Variants in EPHA6 observed in about 807,000 individuals in gnomAD.
The protein encoded by EPHA6 is EPH receptor A6.
EPHA6 carries 50 observed loss-of-function variants against 112.0 expected under a neutral mutation model. The ratio of observed to expected loss-of-function variants is 0.45; its 90% CI spans 0.36 to 0.56. EPHA6 has a LOEUF of 0.56. Among genes scored for constraint, EPHA6 ranks in the 20% least tolerant of loss-of-function variants. The probability of loss-of-function intolerance (pLI) is 0.00; values close to 1 mark genes in which losing one functional copy is unlikely to be tolerated. For missense variants in EPHA6, 1,280 were observed against 1,417.4 expected (o/e 0.90, Z 1.56); for synonymous variants, 529 against 490.7 (o/e 1.08, Z -1.03).
At chr3:97,155,332 T>C (rs2076264974) in intron 3 of EPHA6, among the ~76,000 whole-genome samples, 1 of 152,142 alleles carries the variant, frequency 6.6e-6, no homozygotes, top group African/African-American at 2.4e-5. Flanking sequence ...CCAGAAGTCA[T>C]TCAGTTTCTC....
intron 3 of EPHA6, among the ~76,000 whole-genome samples, chr3:97,138,410 A>C (rs1576554321): frequency 6.6e-6 from 1 of 152,134 alleles, no homozygotes; most frequent in South Asian, 2.1e-4. Context: ...GACAGCTTCT[A>C]CTCCCATAGT....
chr3:96,981,587 T>A (rs1268865867), intron 2 of EPHA6, among the ~76,000 whole-genome samples: 2 of 152,160 alleles, frequency 1.3e-5, no homozygotes, highest in Non-Finnish European at 2.9e-5. Context: ...GAGGGAGGAT[T>A]CTCTCTTTTT....
intron 10 of EPHA6, among the ~76,000 whole-genome samples, chr3:97,501,274 G>T (rs2092109955): frequency 6.6e-6 from 1 of 152,016 alleles, no homozygotes; most frequent in South Asian, 2.1e-4. Context: ...AATATATAGA[G>T]ATTGAGTAAA....
intron 3 of EPHA6, among the ~76,000 whole-genome samples, chr3:97,186,402 A>T (rs931524499): frequency 1.3e-5 from 2 of 152,124 alleles, no homozygotes; most frequent in African/African-American, 4.8e-5. Flanking sequence ...TGTTAAAACT[A>T]ATCTATTCCA....
At chr3:97,049,124 A>AG (rs2045605778) in intron 3 of EPHA6, among the ~76,000 whole-genome samples, 1 of 152,220 alleles carries the variant, frequency 6.6e-6, no homozygotes. Context: ...ACAAGGTCAG[A>AG]GAGGTACTGG....
chr3:97,167,092 A>C (rs1428550324), intron 3 of EPHA6, among the ~76,000 whole-genome samples: 2 of 152,188 alleles, frequency 1.3e-5, no homozygotes, highest in African/African-American at 4.8e-5. Flanking sequence ...GACATCATTC[A>C]TGTATGCAAA....
chr3:96,899,564 G>A (rs1295914084), intron 2 of EPHA6, among the ~76,000 whole-genome samples: 1 of 152,226 alleles, frequency 6.6e-6, no homozygotes, highest in African/African-American at 2.4e-5. Context: ...ATCAGTGTGT[G>A]TCCCTTTCTT....
intron 7 of EPHA6, among the ~76,000 whole-genome samples, chr3:97,462,172 T>A (rs572554618): frequency 2.0e-5 from 3 of 152,310 alleles, no homozygotes; most frequent in African/African-American, 7.2e-5. Flanking sequence ...AGTTTCTCCA[T>A]CTATTAAATG....
chr3:96,937,707 C>T (rs1277600068), intron 2 of EPHA6, among the ~76,000 whole-genome samples: 1 of 151,996 alleles, frequency 6.6e-6, no homozygotes, highest in Non-Finnish European at 1.5e-5. Flanking sequence ...AATGGTATTG[C>T]CTAGGTTTTC....
intron 11 of EPHA6, among the ~76,000 whole-genome samples, chr3:97,565,618 T>C (rs558624312): frequency 5.7e-4 from 86 of 152,164 alleles, no homozygotes; most frequent in Middle Eastern, 3.4e-3. Context: ...ACAGGAAGAG[T>C]CTTGATAGAA....
In EPHA6 at chr3:97,047,223, G is replaced by A. The variant is rs115061458; in HGVS notation, c.1114+59230G>A. ...TGTAAGATATAAGAAACCAGGGGCCGGGCACAGTGGCTCATGCCTGTAATC... is the reference window on the plus strand; with the variant it reads ...TGTAAGATATAAGAAACCAGGGGCCAGGCACAGTGGCTCATGCCTGTAATC... On this transcript the variant is annotated intron_variant, in intron 3 of 17. Transcript: ENST00000389672. Among the ~76,000 whole-genome samples the A allele has an allele frequency of 3.0e-3, 457 of 151,948 alleles. 2 individuals are homozygous for A. The highest frequency in any genetic ancestry group is 0.011 in the African/African-American group (441 of 41,442).
At chr3:97,349,885 G>A (rs2083717009) in intron 5 of EPHA6, among the ~76,000 whole-genome samples, 2 of 151,734 alleles carry the variant, frequency 1.3e-5, no homozygotes, top group Non-Finnish European at 2.9e-5. Context: ...ATGCTGTTGG[G>A]TTTATGAATA....
At chr3:97,030,201 A>C (rs1576353053) in intron 3 of EPHA6, among the ~76,000 whole-genome samples, 1 of 152,048 alleles carries the variant, frequency 6.6e-6, no homozygotes, top group East Asian at 1.9e-4. Flanking sequence ...ATTACTACTG[A>C]CTTCACCAAA....
At chr3:96,829,140 G>C (rs2033853673) in intron 1 of EPHA6, among the ~76,000 whole-genome samples, 1 of 151,992 alleles carries the variant, frequency 6.6e-6, no homozygotes, top group Non-Finnish European at 1.5e-5. Flanking sequence ...CTTTATCTTA[G>C]ACTGATAAAG....
intron 5 of EPHA6, 179 bp downstream of exon 5, chr3:97,244,466 T>G (rs914554741): frequency 1.2e-5 from 7 of 593,072 alleles, no homozygotes; most frequent in Non-Finnish European, 1.5e-5. Context: ...ATTTTTATAT[T>G]ACTTCTCAGC....
Position 97,338,093 on chromosome 3 carries a change from C to T in EPHA6, c.1607-67057C>T, listed in dbSNP as rs565734713. On this transcript the variant is annotated intron_variant, in intron 5 of 17. Transcript: ENST00000389672. ...TTCAGATAATGGTTGTGTGTGTGTG[C>T]GTGTGTGTGTGTGTGTTTTCCACAA... is the stretch of plus-strand genomic sequence containing the variant. 6.0e-5 allele frequency among the ~76,000 whole-genome samples: 9 copies of T among 150,252 alleles called. No homozygotes were observed. The East Asian group carries it at 7.8e-4, about 13-fold the overall frequency.
intron 14 of EPHA6, among the ~76,000 whole-genome samples, chr3:97,681,149 A>G (rs2031831064): frequency 6.6e-6 from 1 of 152,174 alleles, no homozygotes; most frequent in South Asian, 2.1e-4. Flanking sequence ...ACCTGCTAGT[A>G]ATCAGAAAAA....
chr3:97,216,953 C>A (rs1315753698), intron 3 of EPHA6, among the ~76,000 whole-genome samples: 5 of 152,128 alleles, frequency 3.3e-5, no homozygotes, highest in Admixed American at 6.6e-5. Context: ...GGAGTAACTT[C>A]TACTATCTGA....
chr3:97,430,143 A>G (rs1458236903), intron 6 of EPHA6, among the ~76,000 whole-genome samples: 1 of 152,192 alleles, frequency 6.6e-6, no homozygotes, highest in Non-Finnish European at 1.5e-5. Context: ...ATTCAAACTG[A>G]TGAAAAAATT....
Sources: gnomAD v4.1 joint callset for allele counts (sites outside exome capture counted in the v4.1 genomes callset) on GRCh38, gnomAD v4.1.1 for gene constraint, MANE v1.5 for transcripts, NCBI Gene and HGNC (gene_info 2026-07-23, HGNC 2026-07-21) for gene names.